Variants in SLC17A6 observed in about 807,000 individuals in gnomAD.
SLC17A6 encodes solute carrier family 17 member 6, also known as vesicular glutamate transporter 2.
A neutral mutation model predicts 67.1 loss-of-function variants in SLC17A6; 35 were observed. The observed-to-expected ratio is 0.52, with a 90% CI of 0.40 to 0.69. The LOEUF (loss-of-function observed/expected upper bound fraction) is 0.69, where lower values mean the gene tolerates loss of function less well. Ranked by LOEUF, SLC17A6 falls within the 30% of genes least tolerant of loss-of-function variation. The probability of loss-of-function intolerance (pLI) is 0.00; values close to 1 mark genes in which losing one functional copy is unlikely to be tolerated. For missense variants in SLC17A6, 588 were observed against 723.9 expected, an observed-to-expected ratio of 0.81 and a Z score of 2.15; for synonymous variants, 285 against 252.3, an observed-to-expected ratio of 1.13 and a Z score of -1.23.
intron 9 of SLC17A6, 85 bp downstream of exon 9, chr11:22,374,972 A>T (rs1590395815): frequency 7.7e-7 from 1 of 1,294,254 alleles, no homozygotes; most frequent in East Asian, 2.6e-5. Context: ...TACACATATC[A>T]AATTACTTAG....
chr11:22,358,863 T>C lies in SLC17A6; in HGVS notation c.459-550T>C, dbSNP rs78198888. 8.7e-3 allele frequency among the ~76,000 whole-genome samples: 1,318 copies of C among 152,326 alleles called. 19 individuals are homozygous for C. The highest frequency in any genetic ancestry group is 0.03 in the African/African-American group (1,251 of 41,586). On this transcript the variant is annotated intron_variant, in intron 3 of 11. Coordinates refer to ENST00000263160, the MANE Select transcript of SLC17A6 (RefSeq NM_020346.3). ...CTAAGGGATTTAATCAAGAGACTTC[T>C]TGGTTCATTTAAAATACGAGTTCAT...
chr11:22,350,838 T>G (rs1028910596), intron 3 of SLC17A6, among the ~76,000 whole-genome samples: 4 of 152,098 alleles, frequency 2.6e-5, no homozygotes, highest in African/African-American at 9.7e-5. Context: ...CAGCTATATA[T>G]ATATGTGACT....
chr11:22,367,135 T>C (rs567732309), intron 7 of SLC17A6, among the ~76,000 whole-genome samples: 1 of 152,274 alleles, frequency 6.6e-6, no homozygotes, highest in South Asian at 2.1e-4. Context: ...ATACACTAGT[T>C]GAAGAAACAA....
At chr11:22,377,306 G>A in intron 11 of SLC17A6, 99 bp from the exon 12 acceptor site, 2 of 1,066,208 alleles carry the variant, frequency 1.9e-6, no homozygotes, top group Non-Finnish European at 2.7e-6. Context: ...CCCAAATATA[G>A]TGTTTTATGA....
At chr11:22,349,684 C>A (rs938085213) in intron 3 of SLC17A6, among the ~76,000 whole-genome samples, 4 of 152,100 alleles carry the variant, frequency 2.6e-5, no homozygotes, top group African/African-American at 9.7e-5. Flanking sequence ...CATATGCTAC[C>A]ACTGGGACTG....
chr11:22,353,170 AC>A (rs1306898341), intron 3 of SLC17A6, among the ~76,000 whole-genome samples: 1 of 152,192 alleles, frequency 6.6e-6, no homozygotes, highest in Admixed American at 6.5e-5. Flanking sequence ...TATGGACCAT[AC>A]AGTGTCCCCT....
intron 3 of SLC17A6, among the ~76,000 whole-genome samples, chr11:22,358,639 A>T (rs994360005): frequency 4.6e-5 from 7 of 151,288 alleles, no homozygotes; most frequent in Non-Finnish European, 5.9e-5. Flanking sequence ...CGACCAGAAG[A>T]TTTTTTTTTC....
rs779413089 is a variant in SLC17A6, at chr11:22,359,447, C to G, written c.493C>G (p.Leu165Val). Residue 165 changes from leucine (L) to valine (V), a missense_variant, in exon 4 of 12, where the codon CTA becomes GTA. Leu to Val is a conservative substitution (Grantham distance 32). This residue lies in a region of SLC17A6 where 414 missense variants were observed against 563.4 expected (regional missense o/e 0.73). Transcript: ENST00000263160. ...AGCTGCCATACTTCTTACCTCTACC[C>G]TAAATATGCTAATTCCATCAGCAGC... Reference protein sequence around the residue: ...FGAAILLTSTLNMLIPSAARV... With the variant: ...FGAAILLTSTVNMLIPSAARV... 3 of 1,601,428 alleles carry G rather than the reference C, an allele frequency of 1.9e-6. No homozygotes were observed. Among genetic ancestry groups the G allele is most frequent in the Non-Finnish European group, 2.6e-6 (3 of 1,173,486 alleles).
chr11:22,371,373 C>T (rs1218594719), intron 8 of SLC17A6, among the ~76,000 whole-genome samples: 1 of 151,984 alleles, frequency 6.6e-6, no homozygotes, highest in Non-Finnish European at 1.5e-5. Flanking sequence ...AGTAGCTATT[C>T]TAAGAGCTCT....
chr11:22,340,340 T>C (rs2133856339), intron 1 of SLC17A6, among the ~76,000 whole-genome samples: 1 of 152,334 alleles, frequency 6.6e-6, no homozygotes, highest in East Asian at 1.9e-4. Context: ...TACATTCCTT[T>C]TGTTTGTTTG....
chr11:22,348,690 T>C (rs1018740503), intron 3 of SLC17A6, among the ~76,000 whole-genome samples: 1 of 152,164 alleles, frequency 6.6e-6, no homozygotes, highest in Admixed American at 6.6e-5. Flanking sequence ...TCAATTTACA[T>C]GCTGTATAAA....
rs189448593 is a variant in SLC17A6, at chr11:22,377,614, C to T, written c.1623C>T (p.Thr541=). 9 of 1,613,962 alleles carry T rather than the reference C, an allele frequency of 5.6e-6. No homozygotes were observed. Among genetic ancestry groups the T allele is most frequent in the Non-Finnish European group, 7.6e-6 (9 of 1,179,956 alleles). The change falls in exon 12 of 12, where the codon ACC becomes ACT. Residue 541 remains threonine (T), a synonymous_variant. Coordinates refer to ENST00000263160, the MANE Select transcript of SLC17A6 (RefSeq NM_020346.3). The part of the protein sequence containing the change: ...ITQNYINYGT[T]KSYGATTQAN... ...AAAATTATATAAATTATGGTACCAC[C>T]AAGTCTTATGGTGCCACAACACAGG...
At chr11:22,373,700 A>T (rs1856199051) in intron 8 of SLC17A6, among the ~76,000 whole-genome samples, 1 of 152,034 alleles carries the variant, frequency 6.6e-6, no homozygotes, top group African/African-American at 2.4e-5. Context: ...CTGACTCTAA[A>T]TTTTTTTTAT....
intron 8 of SLC17A6, among the ~76,000 whole-genome samples, 174 bp downstream of exon 8, chr11:22,370,362 T>A (rs2133875977): frequency 6.6e-6 from 1 of 152,278 alleles, no homozygotes; most frequent in Non-Finnish European, 1.5e-5. Flanking sequence ...TCTACTGTAT[T>A]CTGTTGTCTG....
intron 8 of SLC17A6, among the ~76,000 whole-genome samples, chr11:22,370,911 C>A (rs748467724): frequency 6.6e-6 from 1 of 152,042 alleles, no homozygotes; most frequent in Non-Finnish European, 1.5e-5. Context: ...AAATACTACT[C>A]TATCTTTATA....
At chr11:22,361,567 T>A (rs932100247) in intron 5 of SLC17A6, among the ~76,000 whole-genome samples, 2 of 152,134 alleles carry the variant, frequency 1.3e-5, no homozygotes, top group African/African-American at 4.8e-5. Flanking sequence ...CTAAGCACTG[T>A]TGCTATAATT....
In SLC17A6 at chr11:22,365,534, C is replaced by T. The variant is rs371773546; in HGVS notation, c.749-13C>T. 47 of 1,613,608 alleles carry T rather than the reference C, an allele frequency of 2.9e-5. No individual in the cohort carries two copies. Among genetic ancestry groups the T allele is most frequent in the Admixed American group, 5.0e-5 (3 of 59,994 alleles). The stretch of plus-strand genomic sequence containing the variant: ...ATGGAAGTGACTTTCTCCTTCTGAA[C>T]TGTTGCTTGCAGGAAGCTTTGGAAT... On this transcript the variant is annotated splice_polypyrimidine_tract_variant and intron_variant, in intron 6 of 11. Transcript: ENST00000263160.
In SLC17A6 at chr11:22,377,815, C is replaced by T. The variant is rs778907538; in HGVS notation, c.*75C>T. 3.3e-5 allele frequency: 41 copies of T among 1,242,698 alleles called. No individual in the cohort carries two copies. The highest frequency in any genetic ancestry group is 6.6e-5 in the South Asian group (4 of 60,330). 77.0% of individuals were successfully genotyped at this position (1,242,698 alleles called of 1,614,324 possible). A position where few individuals can be genotyped will look rare whatever the true frequency, so the allele number is the denominator to read the frequency against. On this transcript the variant is annotated 3_prime_UTR_variant, in exon 12 of 12. Coordinates refer to ENST00000263160, the MANE Select transcript of SLC17A6 (RefSeq NM_020346.3). ...TGATTGCACAAAAATTTTAAAAACACGTGATGTAAACTTGCAAGCATATCA... is the reference window on the plus strand; with the variant it reads ...TGATTGCACAAAAATTTTAAAAACATGTGATGTAAACTTGCAAGCATATCA...
chr11:22,352,788 T>C (rs922965252), intron 3 of SLC17A6, among the ~76,000 whole-genome samples: 6 of 152,130 alleles, frequency 3.9e-5, no homozygotes, highest in Non-Finnish European at 8.8e-5. Flanking sequence ...TATTGAAGGA[T>C]AAAGTGGAAG....
Sources: allele counts gnomAD v4.1 joint callset (sites outside exome capture counted in the v4.1 genomes callset), GRCh38; gene constraint gnomAD v4.1.1; regional missense constraint gnomAD v4.1.1; transcripts MANE v1.5; gene names NCBI Gene and HGNC (gene_info 2026-07-23, HGNC 2026-07-21).